MSRB3: variants seen among roughly 807,000 people sequenced by gnomAD.
MSRB3 encodes the protein methionine-R-sulfoxide reductase B3.
In MSRB3, 13 loss-of-function variants were observed where a neutral mutation model predicts 21.0. The ratio of observed to expected loss-of-function variants is 0.62; its 90% CI spans 0.40 to 0.98. The LOEUF (loss-of-function observed/expected upper bound fraction) is 0.98, where lower values mean the gene tolerates loss of function less well. MSRB3 is among the 50% of genes least tolerant of loss of function. MSRB3 has a pLI of 0.00. For missense variants in MSRB3, 199 were observed against 230.3 expected (o/e 0.86, Z 0.88); for synonymous variants, 87 against 88.6 (o/e 0.98, Z 0.10).
intron 3 of MSRB3, among the ~76,000 whole-genome samples, chr12:65,327,224 G>A (rs533171390): frequency 3.3e-5 from 5 of 152,334 alleles, no homozygotes; most frequent in Non-Finnish European, 7.4e-5. Flanking sequence ...AGCGATTTAG[G>A]TACATTTTTT....
In MSRB3 at chr12:65,463,844, T is replaced by G. The variant is rs1211870431; in HGVS notation, c.*522T>G. 6.4e-6 allele frequency: 1 copy of G among 155,716 alleles called. No homozygotes were observed. The highest frequency in any genetic ancestry group is 1.4e-5 in the Non-Finnish European group (1 of 71,052). The allele number at this position is 155,716 out of a possible 1,614,324, so 9.6% of individuals were successfully genotyped here. On this transcript the variant is annotated 3_prime_UTR_variant, in exon 7 of 7. Coordinates refer to ENST00000308259, the MANE Select transcript of MSRB3 (RefSeq NM_001031679.3). Reference sequence around the variant, plus strand: ...TGAGCTAAGGTCATTTTTTTTTTTCTCACTGAAAGGGTGTGAAGGTCTAAA... The same window carrying G: ...TGAGCTAAGGTCATTTTTTTTTTTCGCACTGAAAGGGTGTGAAGGTCTAAA...
chr12:65,444,843 GAA>G (rs1316232708), intron 5 of MSRB3, among the ~76,000 whole-genome samples: 1 of 151,938 alleles, frequency 6.6e-6, no homozygotes, highest in African/African-American at 2.4e-5. Flanking sequence ...CCTATTTCTG[GAA>G]ATGCTCTTTT....
intron 4 of MSRB3, among the ~76,000 whole-genome samples, chr12:65,350,565 C>G (rs1278832010): frequency 1.3e-5 from 2 of 150,670 alleles, no homozygotes; most frequent in Admixed American, 6.6e-5. Flanking sequence ...TTCAGGAAAC[C>G]CATCTCACGT....
At chr12:65,351,789 A>T (rs1026814724) in intron 4 of MSRB3, among the ~76,000 whole-genome samples, 1 of 151,792 alleles carries the variant, frequency 6.6e-6, no homozygotes, top group African/African-American at 2.4e-5. Context: ...TGAATAGACC[A>T]ATAATAGGAG....
intron 5 of MSRB3, among the ~76,000 whole-genome samples, chr12:65,411,144 A>G (rs1292338359): frequency 1.3e-5 from 2 of 152,188 alleles, no homozygotes; most frequent in African/African-American, 4.8e-5. Context: ...GTATACTTTA[A>G]CTAAGTTTCT....
chr12:65,434,267 C>T (rs1312250984), intron 5 of MSRB3, among the ~76,000 whole-genome samples: 1 of 151,874 alleles, frequency 6.6e-6, no homozygotes, highest in Non-Finnish European at 1.5e-5. Flanking sequence ...ATTGGCATTC[C>T]TCCTTTGATC....
At position 65,278,713 on chromosome 12, in the gene MSRB3, A is replaced by G. The variant is rs2136375448; in HGVS notation, c.-204A>G. The G allele has an allele frequency of 6.8e-7, 1 of 1,473,486 alleles. No individual in the cohort carries two copies. Among genetic ancestry groups the G allele is most frequent in the East Asian group, 2.4e-5 (1 of 41,648 alleles). 91.3% of individuals were successfully genotyped at this position (1,473,486 alleles called of 1,614,324 possible). On this transcript the variant is annotated 5_prime_UTR_variant, in exon 1 of 7. Transcript: ENST00000308259. ...TCCCGCCGCCCCGTCCGTCGCCCGG[A>G]GCCGGGGAGGGAGGGAGCGAGGTTC...
intron 4 of MSRB3, among the ~76,000 whole-genome samples, chr12:65,351,147 G>A (rs889775514): frequency 1.1e-4 from 16 of 151,492 alleles, no homozygotes; most frequent in Non-Finnish European, 2.2e-4. Flanking sequence ...TAGAGCTCAG[G>A]ATTAAGAATC....
In MSRB3 at chr12:65,307,077, G is replaced by A. The variant is rs1030878807; in HGVS notation, c.-51-1452G>A. 12 of 975,294 alleles carry A rather than the reference G, an allele frequency of 1.2e-5. No homozygotes were observed. The African/African-American group carries it at 2.1e-4, about 17-fold the overall frequency. The allele number at this position is 975,294 out of a possible 1,614,324, so 60.4% of individuals were successfully genotyped here. On this transcript the variant is annotated intron_variant, in intron 1 of 6. Coordinates refer to ENST00000308259, the MANE Select transcript of MSRB3 (RefSeq NM_001031679.3). ...TATTCCTCACAGAGAAGGGTCACAG[G>A]GAAAAAATACATTTTTATTTATAGT...
intron 4 of MSRB3, among the ~76,000 whole-genome samples, chr12:65,347,424 C>T (rs1331687898): frequency 3.9e-5 from 6 of 152,014 alleles, no homozygotes; most frequent in Non-Finnish European, 8.8e-5. Flanking sequence ...TTGATTTTTG[C>T]ACACTGATTT....
Position 65,466,052 on chromosome 12 carries a change from C to G in MSRB3, c.*2730C>G, listed in dbSNP as rs1883557639. The G allele has an allele frequency of 6.6e-6, 1 of 152,094 alleles. No individual in the cohort carries two copies. The highest frequency in any genetic ancestry group is 1.5e-5 in the Non-Finnish European group (1 of 68,016). 9.4% of individuals were successfully genotyped at this position (152,094 alleles called of 1,614,324 possible). ...GATCAGTGAGAGGCCTCTTCCCTCT[C>G]CACAGAGACTGGATTGTCATTGTTC... On this transcript the variant is annotated 3_prime_UTR_variant, in exon 7 of 7. Transcript: ENST00000308259.
intron 5 of MSRB3, among the ~76,000 whole-genome samples, chr12:65,428,789 G>T (rs1185983725): frequency 6.6e-6 from 1 of 152,030 alleles, no homozygotes; most frequent in East Asian, 1.9e-4. Flanking sequence ...TTAGCAATTG[G>T]TATTTTAGAA....
At chr12:65,447,125 G>A (rs532278143) in intron 5 of MSRB3, among the ~76,000 whole-genome samples, 2 of 152,298 alleles carry the variant, frequency 1.3e-5, no homozygotes, top group Non-Finnish European at 2.9e-5. Context: ...TTGTCCATCA[G>A]CAAGTGATGA....
chr12:65,422,127 A>T (rs1449086794), intron 5 of MSRB3, among the ~76,000 whole-genome samples: 3 of 152,036 alleles, frequency 2.0e-5, no homozygotes, highest in African/African-American at 7.2e-5. Context: ...ATCAAAAAAG[A>T]CAAAGAAGGG....
chr12:65,402,590 C>T (rs562899436), intron 5 of MSRB3, among the ~76,000 whole-genome samples: 52 of 152,224 alleles, frequency 3.4e-4, no homozygotes, highest in African/African-American at 1.1e-3. Flanking sequence ...TTTATTATTA[C>T]CCACCTTCTG....
At chr12:65,337,439 A>G (rs1266571402) in intron 4 of MSRB3, among the ~76,000 whole-genome samples, 1 of 150,472 alleles carries the variant, frequency 6.6e-6, no homozygotes, top group South Asian at 2.1e-4. Context: ...TCAAAAAAAA[A>G]AAAAAAAAAA....
chr12:65,339,676 A>C (rs927474562), intron 4 of MSRB3, among the ~76,000 whole-genome samples: 1 of 152,210 alleles, frequency 6.6e-6, no homozygotes, highest in African/African-American at 2.4e-5. Context: ...TAATTCATTT[A>C]ATTATAAATT....
intron 1 of MSRB3, among the ~76,000 whole-genome samples, chr12:65,304,533 G>T (rs1453509354): frequency 6.6e-6 from 1 of 152,162 alleles, no homozygotes; most frequent in Non-Finnish European, 1.5e-5. Flanking sequence ...GGTGGCTCAC[G>T]CCTGTAATCC....
intron 4 of MSRB3, among the ~76,000 whole-genome samples, 171 bp downstream of exon 4, chr12:65,328,774 A>G (rs1159143357): frequency 6.6e-6 from 1 of 152,252 alleles, no homozygotes; most frequent in Non-Finnish European, 1.5e-5. Context: ...GTAAATTACC[A>G]GTGTGACAGA....
Sources: gnomAD v4.1 joint callset for allele counts (sites outside exome capture counted in the v4.1 genomes callset) on GRCh38, gnomAD v4.1.1 for gene constraint, MANE v1.5 for transcripts, NCBI Gene and HGNC (gene_info 2026-07-23, HGNC 2026-07-21) for gene names.